ZFP90: variants seen among roughly 807,000 people sequenced by gnomAD.
ZFP90 encodes zinc finger protein 90 homolog.
In ZFP90, 38 loss-of-function variants were observed where a neutral mutation model predicts 60.8. That is an observed-to-expected ratio of 0.62 (90% CI 0.48 to 0.82). The LOEUF is 0.82. ZFP90 is among the 40% of genes least tolerant of loss of function. The pLI, the probability that ZFP90 is intolerant of heterozygous loss-of-function variation, is 0.00. For missense variants in ZFP90, 711 were observed against 759.1 expected (o/e 0.94, Z 0.74); for synonymous variants, 287 against 264.8 (o/e 1.08, Z -0.82).
chr16:68,536,446 T>C (rs2090961076), upstream of ZFP90, among the ~76,000 whole-genome samples: 1 of 152,024 alleles, frequency 6.6e-6, no homozygotes, highest in Non-Finnish European at 1.5e-5. Flanking sequence ...AGTTGGGGAC[T>C]ACCGGCATGC....
exon 3 of ZFP90, chr16:68,575,896 G>C: frequency 2.5e-6 from 1 of 398,434 alleles, no homozygotes; most frequent in Non-Finnish European, 4.4e-6. Context: ...GAATGGCTAA[G>C]TAAGGACCTC....
downstream of ZFP90, among the ~76,000 whole-genome samples, chr16:68,570,669 C>T (rs1011352726): frequency 5.9e-5 from 9 of 152,214 alleles, no homozygotes; most frequent in Admixed American, 1.3e-4. Flanking sequence ...TGGTTCCCAC[C>T]ATTTCTTCTC....
chr16:68,552,568 G>A (rs760501538), intron 2 of ZFP90, among the ~76,000 whole-genome samples: 12 of 152,184 alleles, frequency 7.9e-5, no homozygotes, highest in Admixed American at 2.0e-4. Flanking sequence ...CTGAGCGCTT[G>A]AAGTAACGCT....
At chr16:68,569,415 G>T (rs540578925), downstream of ZFP90, among the ~76,000 whole-genome samples, 1 of 152,260 alleles carries the variant, frequency 6.6e-6, no homozygotes, top group South Asian at 2.1e-4. Flanking sequence ...GATTACAGGC[G>T]TGAGCCAGTG....
rs1027381326 is a variant in ZFP90 at position 68,560,839 on chromosome 16, C to T, written c.257-2205C>T. On this transcript the variant is annotated intron_variant, in intron 4 of 4. Transcript: ENST00000563169. ...TCAGCCTCCCAAAGTGCTGGGATTACAAGCCTGAGCCACCATGCCCAGCCA... is the reference window on the plus strand; with the variant it reads ...TCAGCCTCCCAAAGTGCTGGGATTATAAGCCTGAGCCACCATGCCCAGCCA... 6.6e-5 allele frequency among the ~76,000 whole-genome samples: 10 copies of T among 151,114 alleles called. 1 individual carries two copies. In the East Asian group the frequency reaches 1.8e-3, roughly 27 times the overall value.
chr16:68,538,015 C>T (rs1431840902), upstream of ZFP90, among the ~76,000 whole-genome samples: 1 of 152,062 alleles, frequency 6.6e-6, no homozygotes, highest in South Asian at 2.1e-4. Context: ...CAGATTCAAG[C>T]GATTCTCCTG....
At chr16:68,568,074 G>A (rs184398043), downstream of ZFP90, among the ~76,000 whole-genome samples, 55 of 152,242 alleles carry the variant, frequency 3.6e-4, no homozygotes, top group Middle Eastern at 3.4e-3. Flanking sequence ...AAATTTTCAT[G>A]GATTACTGTT....
chr16:68,563,949 C>G lies in ZFP90; in HGVS notation c.1162C>G (p.His388Asp). Residue 388 changes from histidine (H) to aspartate (D), a missense_variant, in exon 5 of 5, where the codon CAT (histidine) becomes GAT (aspartate). Physicochemically the swap from His to Asp is moderately conservative, Grantham distance 81. Around this residue, in one of 5 missense-constraint regions of ZFP90, gnomAD observed 146 missense variants for 201.4 expected, o/e 0.73. Coordinates refer to ENST00000563169, the MANE Select transcript of ZFP90 (RefSeq NM_001305203.2). ...CSSLVQHERTHTGEKPFECSI... is the reference protein window; with the variant it reads ...CSSLVQHERTDTGEKPFECSI... ...TTCCCTTGTCCAACATGAGAGGACTCATACTGGAGAGAAACCTTTTGAATG... is the reference window on the plus strand; with the variant it reads ...TTCCCTTGTCCAACATGAGAGGACTGATACTGGAGAGAAACCTTTTGAATG... 1 of 1,614,078 alleles carries G rather than the reference C, an allele frequency of 6.2e-7. No homozygotes were observed. Among genetic ancestry groups the G allele is most frequent in the Non-Finnish European group, 8.5e-7 (1 of 1,180,008 alleles).
intron 2 of ZFP90, among the ~76,000 whole-genome samples, chr16:68,544,245 G>A (rs951214620): frequency 1.3e-5 from 2 of 152,188 alleles, no homozygotes; most frequent in African/African-American, 4.8e-5. Flanking sequence ...AGAGCAGTAA[G>A]AAATGAGAGA....
chr16:68,542,059 C>G (rs2091059691), intron 2 of ZFP90, among the ~76,000 whole-genome samples: 1 of 152,128 alleles, frequency 6.6e-6, no homozygotes, highest in Non-Finnish European at 1.5e-5. Context: ...CAGAAATTTC[C>G]CTTTAGCAGT....
upstream of ZFP90, among the ~76,000 whole-genome samples, chr16:68,535,082 A>G (rs926607959): frequency 6.6e-6 from 1 of 152,048 alleles, no homozygotes; most frequent in African/African-American, 2.4e-5. Flanking sequence ...CTGTGAGCTC[A>G]TATTTCTTGG....
downstream of ZFP90, among the ~76,000 whole-genome samples, chr16:68,570,742 T>C (rs991266415): frequency 1.3e-5 from 2 of 152,374 alleles, no homozygotes; most frequent in Admixed American, 6.5e-5. Context: ...TACTTGTCTT[T>C]TCAACATTAT....
At chr16:68,555,553 C>T (rs944055235) in intron 2 of ZFP90, among the ~76,000 whole-genome samples, 2 of 152,158 alleles carry the variant, frequency 1.3e-5, no homozygotes, top group African/African-American at 2.4e-5. Flanking sequence ...TAGTGTGAGT[C>T]AGGTACTTGC....
chr16:68,547,465 C>G (rs1009169523), intron 2 of ZFP90, among the ~76,000 whole-genome samples: 1 of 152,084 alleles, frequency 6.6e-6, no homozygotes, highest in African/African-American at 2.4e-5. Flanking sequence ...TCTATATATT[C>G]TGGGTATTAC....
chr16:68,560,883 T>C (rs1277681671), intron 4 of ZFP90, among the ~76,000 whole-genome samples: 1 of 66,660 alleles, frequency 1.5e-5, no homozygotes, highest in Non-Finnish European at 3.1e-5. Context: ...TAATGCTTTA[T>C]CTTCTTTTTT....
chr16:68,571,152 G>A (rs1229221321), downstream of ZFP90, among the ~76,000 whole-genome samples: 5 of 152,204 alleles, frequency 3.3e-5, no homozygotes, highest in East Asian at 5.8e-4. Flanking sequence ...AATGCTCCGG[G>A]TATCACAGCC....
chr16:68,546,852 CTTA>C (rs1158531599), intron 2 of ZFP90, among the ~76,000 whole-genome samples: 2 of 152,206 alleles, frequency 1.3e-5, no homozygotes, highest in African/African-American at 2.4e-5. Context: ...GCTTATTTCA[CTTA>C]TTATAATGTC....
intron 2 of ZFP90, chr16:68,574,215 C>T (rs1232605669): frequency 9.6e-6 from 1 of 103,790 alleles, no homozygotes; most frequent in Non-Finnish European, 1.8e-5. Flanking sequence ...GTCAATGTGT[C>T]TCCTTTTTCT....
chr16:68,575,440 C>A (rs764055590), intron 2 of ZFP90, among the ~76,000 whole-genome samples: 3 of 151,244 alleles, frequency 2.0e-5, no homozygotes, highest in Non-Finnish European at 4.4e-5. Flanking sequence ...TAAGGGTGGT[C>A]CCCCACCCAA....
Sources: allele counts gnomAD v4.1 joint callset (sites outside exome capture counted in the v4.1 genomes callset), GRCh38; gene constraint gnomAD v4.1.1; regional missense constraint gnomAD v4.1.1; transcripts MANE v1.5; gene names NCBI Gene and HGNC (gene_info 2026-07-23, HGNC 2026-07-21).